The following EHBP1 variants were observed in gnomAD, a reference collection of about 807,000 sequenced individuals.
EHBP1 encodes the protein EH domain-binding protein 1.
Under a neutral mutation model 144.0 loss-of-function variants are expected in EHBP1, and 55 were observed. The ratio of observed to expected loss-of-function variants is 0.38; its 90% confidence interval spans 0.31 to 0.48. The LOEUF (loss-of-function observed/expected upper bound fraction) is 0.48, where lower values mean the gene tolerates loss of function less well. EHBP1 is among the 20% of genes least tolerant of loss of function. The pLI is 0.98. For synonymous variants in EHBP1, 469 were observed against 472.7 expected, an observed-to-expected ratio of 0.99 and a Z score of 0.10; for missense variants, 1,200 against 1,364.2, an observed-to-expected ratio of 0.88 and a Z score of 1.90.
chr2:62,943,752 C>A, intron 11 of EHBP1, 50 bp from the exon 12 acceptor site: 2 of 1,271,636 alleles, frequency 1.6e-6, no homozygotes, highest in East Asian at 5.2e-5. Flanking sequence ...TTAAAAACAG[C>A]TGTTTTTATC....
At chr2:62,754,131 C>T (rs1368428452) in intron 3 of EHBP1, among the ~76,000 whole-genome samples, 1 of 152,158 alleles carries the variant, frequency 6.6e-6, no homozygotes, top group Non-Finnish European at 1.5e-5. Flanking sequence ...GTTTTATCTA[C>T]CTTCGGTCTT....
chr2:62,981,652 C>G (rs1044155987), intron 15 of EHBP1, among the ~76,000 whole-genome samples: 35 of 152,212 alleles, frequency 2.3e-4, no homozygotes, highest in Middle Eastern at 3.2e-3. Flanking sequence ...GTCAGTGTTA[C>G]AACCCAAAGT....
chr2:62,917,796 A>C (rs1163782979), intron 10 of EHBP1, among the ~76,000 whole-genome samples: 1 of 152,178 alleles, frequency 6.6e-6, no homozygotes, highest in Admixed American at 6.5e-5. Flanking sequence ...GACCAGCAAA[A>C]TGTATAGGAG....
intron 5 of EHBP1, among the ~76,000 whole-genome samples, chr2:62,825,405 T>C (rs999800420): frequency 3.3e-5 from 5 of 152,054 alleles, no homozygotes; most frequent in African/African-American, 1.2e-4. Flanking sequence ...TTCTGATGAA[T>C]TGGCAATAGC....
At chr2:62,871,164 A>G (rs2050449428) in intron 9 of EHBP1, among the ~76,000 whole-genome samples, 1 of 152,200 alleles carries the variant, frequency 6.6e-6, no homozygotes, top group South Asian at 2.1e-4. Context: ...GTAAATGCAA[A>G]CTTTAAGTAC....
intron 10 of EHBP1, among the ~76,000 whole-genome samples, chr2:62,898,471 A>G (rs1015299949): frequency 2.6e-5 from 4 of 152,168 alleles, no homozygotes; most frequent in Non-Finnish European, 5.9e-5. Flanking sequence ...TAAACTTGGC[A>G]TACCTCTAAA....
At chr2:62,891,137 A>G (rs1214904019) in intron 10 of EHBP1, among the ~76,000 whole-genome samples, 1 of 150,346 alleles carries the variant, frequency 6.7e-6, no homozygotes, top group Non-Finnish European at 1.5e-5. Flanking sequence ...AGATCACGCC[A>G]TTGCACTCCA....
chr2:62,809,159 C>T (rs1335428660), intron 5 of EHBP1, among the ~76,000 whole-genome samples: 1 of 152,020 alleles, frequency 6.6e-6, no homozygotes, highest in Non-Finnish European at 1.5e-5. Flanking sequence ...GGCATGATGG[C>T]ATGTGCCTGT....
intron 10 of EHBP1, among the ~76,000 whole-genome samples, chr2:62,887,613 A>C (rs2152899259): frequency 6.6e-6 from 1 of 150,818 alleles, no homozygotes; most frequent in East Asian, 2.0e-4. Context: ...GGTGCCACAC[A>C]CCTGTAGTCC....
chr2:62,818,967 C>G (rs1197911169), intron 5 of EHBP1, among the ~76,000 whole-genome samples: 1 of 152,066 alleles, frequency 6.6e-6, no homozygotes, highest in Non-Finnish European at 1.5e-5. Flanking sequence ...TATTTAAACT[C>G]ACTTAGGGAG....
chr2:62,678,168 C>G (rs1176410931), intron 1 of EHBP1, among the ~76,000 whole-genome samples: 2 of 152,290 alleles, frequency 1.3e-5, no homozygotes, highest in South Asian at 2.1e-4. Flanking sequence ...TGGATAAAAG[C>G]CATTTTAACT....
chr2:62,974,581 T>G (rs577818893), intron 14 of EHBP1, among the ~76,000 whole-genome samples: 1 of 152,302 alleles, frequency 6.6e-6, no homozygotes, highest in African/African-American at 2.4e-5. Context: ...ATCTATTTTG[T>G]TGTTTTCTTG....
chr2:63,037,532 T>C lies in EHBP1; in HGVS notation c.3104-3T>C, dbSNP rs555357921. On this transcript the variant is annotated splice_region_variant and splice_polypyrimidine_tract_variant and intron_variant, in intron 19 of 22. Coordinates refer to ENST00000431489, the MANE Select transcript of EHBP1 (RefSeq NM_001142616.3). ...GTAAAAGGTAACTCTTCCCGAATTA[T>C]AGGAAGGAACACAGAAGAAGAAGAA... 62 of 1,595,258 alleles carry C rather than the reference T, an allele frequency of 3.9e-5. No individual in the cohort carries two copies. The highest frequency in any genetic ancestry group is 3.4e-4 in the South Asian group (30 of 88,090).
At chr2:62,717,325 G>T (rs1343434035) in intron 2 of EHBP1, among the ~76,000 whole-genome samples, 2 of 152,140 alleles carry the variant, frequency 1.3e-5, no homozygotes, top group African/African-American at 2.4e-5. Context: ...ATGTGCTATT[G>T]ATGCATCAAA....
intron 7 of EHBP1, among the ~76,000 whole-genome samples, chr2:62,832,698 T>G (rs975475088): frequency 6.6e-6 from 1 of 152,158 alleles, no homozygotes; most frequent in African/African-American, 2.4e-5. Flanking sequence ...TTGCACCCAT[T>G]TAAGACAGCA....
chr2:62,730,857 GACAGGC>G (rs2037491635), intron 2 of EHBP1, among the ~76,000 whole-genome samples: 6 of 7,162 alleles, frequency 8.4e-4, no homozygotes, highest in South Asian at 6.2e-3. Flanking sequence ...GAGAGAGACA[GACAGGC>G]AGACAGGCAG....
chr2:62,827,699 G>A (rs1160085696), intron 6 of EHBP1, among the ~76,000 whole-genome samples: 6 of 150,828 alleles, frequency 4.0e-5, no homozygotes, highest in Admixed American at 2.6e-4. Context: ...ACAGAGTCTC[G>A]CTCTGTCACC....
At chr2:62,725,035 A>G (rs2036616676) in intron 2 of EHBP1, among the ~76,000 whole-genome samples, 1 of 152,088 alleles carries the variant, frequency 6.6e-6, no homozygotes, top group Non-Finnish European at 1.5e-5. Flanking sequence ...AACTGACTTC[A>G]TTTCTGGAAG....
intron 10 of EHBP1, among the ~76,000 whole-genome samples, chr2:62,876,454 C>T (rs936681438): frequency 2.0e-5 from 3 of 152,144 alleles, no homozygotes; most frequent in African/African-American, 7.2e-5. Flanking sequence ...ATCACCAGAC[C>T]TGCCTTACAG....
Sources: gnomAD v4.1 joint callset for allele counts (sites outside exome capture counted in the v4.1 genomes callset) on GRCh38, gnomAD v4.1.1 for gene constraint, MANE v1.5 for transcripts, NCBI Gene and HGNC (gene_info 2026-07-23, HGNC 2026-07-21) for gene names.